Variants in GALNT13 observed in about 807,000 individuals in gnomAD.
GALNT13 encodes UDP-GalNAc:polypeptide N-acetylgalactosaminyltransferase 13.
Under a neutral mutation model 64.2 loss-of-function variants are expected in GALNT13, and 28 were observed. The ratio of observed to expected loss-of-function variants is 0.44; its 90% CI spans 0.32 to 0.60. The LOEUF is 0.60. GALNT13 is among the 20% of genes least tolerant of loss of function. The pLI, the probability that GALNT13 is intolerant of heterozygous loss-of-function variation, is 0.05. For synonymous variants in GALNT13, 214 were observed against 224.6 expected, an observed-to-expected ratio of 0.95 and a Z score of 0.42; for missense variants, 577 against 669.8, an observed-to-expected ratio of 0.86 and a Z score of 1.53.
chr2:153,553,874 C>T, the GALNT13 span, among the ~76,000 whole-genome samples: 1 of 152,032 alleles, frequency 6.6e-6, no homozygotes, highest in Non-Finnish European at 1.5e-5. Context: ...AGGGGCTCTG[C>T]GGAGGATGGA....
chr2:154,227,452 G>A lies in GALNT13; in HGVS notation c.312-14578G>A, dbSNP rs180884060. Among the ~76,000 whole-genome samples the A allele has an allele frequency of 3.3e-3, 503 of 151,104 alleles. 3 individuals carry two copies. Among genetic ancestry groups the A allele is most frequent in the African/African-American group, 0.011 (457 of 41,084 alleles). Reference sequence around the variant, plus strand: ...CCAGTAACTCGTTATTTAACATTAGGTATATCTCCTAATGCTATCCCTCCC... The same window carrying A: ...CCAGTAACTCGTTATTTAACATTAGATATATCTCCTAATGCTATCCCTCCC... On this transcript the variant is annotated intron_variant, in intron 4 of 12. Transcript: ENST00000392825.
intron 8 of GALNT13, among the ~76,000 whole-genome samples, chr2:154,278,242 T>C (rs1043946513): frequency 1.3e-5 from 2 of 152,196 alleles, no homozygotes; most frequent in African/African-American, 4.8e-5. Flanking sequence ...TTAAGCGTAC[T>C]GTGTCCCACA....
At chr2:154,286,403 A>G (rs1692269193) in intron 8 of GALNT13, among the ~76,000 whole-genome samples, 1 of 152,170 alleles carries the variant, frequency 6.6e-6, no homozygotes, top group African/African-American at 2.4e-5. Flanking sequence ...TGAATTTGTC[A>G]AATTTTTCTG....
the GALNT13 span, among the ~76,000 whole-genome samples, chr2:153,335,785 T>C: frequency 1.3e-5 from 2 of 152,106 alleles, no homozygotes; most frequent in African/African-American, 4.8e-5. Context: ...TCCAAGACCA[T>C]GGGGAAAATG....
the GALNT13 span, among the ~76,000 whole-genome samples, chr2:153,801,934 T>C: frequency 6.6e-6 from 1 of 152,212 alleles, no homozygotes; most frequent in African/African-American, 2.4e-5. Flanking sequence ...TTTCTGCTTC[T>C]AATTTGTACT....
At chr2:154,242,448 C>CA (rs1689544766) in intron 5 of GALNT13, among the ~76,000 whole-genome samples, 1 of 152,022 alleles carries the variant, frequency 6.6e-6, no homozygotes. Context: ...AAATTTCAGC[C>CA]AAAATGACTT....
chr2:154,142,862 GTA>G (rs1683343270), intron 4 of GALNT13, among the ~76,000 whole-genome samples: 1 of 151,528 alleles, frequency 6.6e-6, no homozygotes, highest in South Asian at 2.1e-4. Context: ...ATATTTGTTT[GTA>G]TATAGATACA....
chr2:153,175,155 G>T, the GALNT13 span, among the ~76,000 whole-genome samples: 31 of 152,244 alleles, frequency 2.0e-4, 2 homozygotes, highest in Admixed American at 4.6e-4. Context: ...ATTTAGCTAT[G>T]TGTTCACCTA....
the GALNT13 span, among the ~76,000 whole-genome samples, chr2:153,113,033 A>G: frequency 4.6e-5 from 7 of 152,144 alleles, no homozygotes; most frequent in African/African-American, 1.4e-4. Context: ...TGCTAGGTAG[A>G]AAGGAAGAGA....
chr2:154,007,098 G>A (rs551474739), intron 3 of GALNT13, among the ~76,000 whole-genome samples: 40 of 152,320 alleles, frequency 2.6e-4, no homozygotes, highest in African/African-American at 8.4e-4. Context: ...TCTTCAAGGA[G>A]TGACTGAGAC....
intron 4 of GALNT13, among the ~76,000 whole-genome samples, chr2:154,169,565 T>C (rs1456159815): frequency 2.6e-5 from 4 of 152,132 alleles, no homozygotes; most frequent in Non-Finnish European, 5.9e-5. Context: ...CTGCCCCATA[T>C]TGGCACTAGT....
At chr2:153,470,969 T>C in the GALNT13 span, among the ~76,000 whole-genome samples, 1 of 152,202 alleles carries the variant, frequency 6.6e-6, no homozygotes, top group East Asian at 1.9e-4. Flanking sequence ...TTTGGAGCAC[T>C]TTCTTCAGGC....
At chr2:154,297,627 G>T (rs1693002517) in intron 8 of GALNT13, among the ~76,000 whole-genome samples, 1 of 152,138 alleles carries the variant, frequency 6.6e-6, no homozygotes, top group Non-Finnish European at 1.5e-5. Context: ...GTGAGAAAGA[G>T]ATTTCTGTTG....
chr2:154,110,774 A>G (rs770554074), intron 3 of GALNT13, among the ~76,000 whole-genome samples: 2 of 152,014 alleles, frequency 1.3e-5, no homozygotes, highest in African/African-American at 2.4e-5. Flanking sequence ...AATCAAGTAG[A>G]CACTCAGTAT....
At chr2:153,564,594 GTT>G in the GALNT13 span, among the ~76,000 whole-genome samples, 6 of 142,098 alleles carry the variant, frequency 4.2e-5, no homozygotes, top group Admixed American at 7.1e-5. Context: ...ATGAGGATTA[GTT>G]TTTTTTTTTT....
At chr2:153,757,472 G>C in the GALNT13 span, among the ~76,000 whole-genome samples, 1 of 152,138 alleles carries the variant, frequency 6.6e-6, no homozygotes, top group Admixed American at 6.5e-5. Context: ...AATAAACATG[G>C]AAGTGCAGGT....
At chr2:154,295,561 C>T (rs942346417) in intron 8 of GALNT13, among the ~76,000 whole-genome samples, 6 of 151,802 alleles carry the variant, frequency 4.0e-5, no homozygotes, top group East Asian at 1.9e-4. Context: ...TTAGTAGAGA[C>T]GAGGTTTTAC....
the GALNT13 span, among the ~76,000 whole-genome samples, chr2:153,779,323 A>G: frequency 6.6e-6 from 1 of 152,198 alleles, no homozygotes; most frequent in Non-Finnish European, 1.5e-5. Flanking sequence ...TGGTGTTTCT[A>G]TTAAAAGCAG....
At chr2:154,413,606 A>G (rs1396228529) in intron 11 of GALNT13, among the ~76,000 whole-genome samples, 1 of 151,902 alleles carries the variant, frequency 6.6e-6, no homozygotes, top group Non-Finnish European at 1.5e-5. Flanking sequence ...TGTGCTCTAG[A>G]CATACGTCTC....
Sources: allele counts gnomAD v4.1 joint callset (sites outside exome capture counted in the v4.1 genomes callset), GRCh38; gene constraint gnomAD v4.1.1; transcripts MANE v1.5; gene names NCBI Gene and HGNC (gene_info 2026-07-23, HGNC 2026-07-21).